The following NTNG1 variants were observed in gnomAD, a reference collection of about 807,000 sequenced individuals.
The protein encoded by NTNG1 is netrin-G1.
Under a neutral mutation model 54.0 loss-of-function variants are expected in NTNG1, and 16 were observed. The observed-to-expected ratio is 0.30, with a 90% CI of 0.20 to 0.45. The LOEUF (loss-of-function observed/expected upper bound fraction) is 0.45. Among genes scored for constraint, NTNG1 ranks in the 20% least tolerant of loss-of-function variants. The pLI, the probability that NTNG1 is intolerant of heterozygous loss-of-function variation, is 1.00. For missense variants in NTNG1, 530 were observed against 678.7 expected, an observed-to-expected ratio of 0.78 and a Z score of 2.43; for synonymous variants, 255 against 263.1, an observed-to-expected ratio of 0.97 and a Z score of 0.30.
chr1:107,245,633 A>C (rs1192024129), intron 2 of NTNG1, among the ~76,000 whole-genome samples: 1 of 152,190 alleles, frequency 6.6e-6, no homozygotes, highest in Non-Finnish European at 1.5e-5. Flanking sequence ...ACTTATTTGA[A>C]TGATTTACAG....
upstream of NTNG1, chr1:107,140,945 T>G (rs1300363418): frequency 6.6e-6 from 1 of 152,442 alleles, no homozygotes. Flanking sequence ...ATCACTATAT[T>G]TTTGGAGGGA....
chr1:107,372,698 G>A (rs902110333), intron 3 of NTNG1, among the ~76,000 whole-genome samples: 2 of 152,018 alleles, frequency 1.3e-5, no homozygotes, highest in African/African-American at 2.4e-5. Context: ...CTATAAACTT[G>A]CAAATTTTCT....
intron 2 of NTNG1, among the ~76,000 whole-genome samples, chr1:107,287,112 T>C (rs1028125901): frequency 6.6e-6 from 1 of 152,140 alleles, no homozygotes; most frequent in Non-Finnish European, 1.5e-5. Flanking sequence ...AAAGGAATAA[T>C]AGATGTATTT....
intron 4 of NTNG1, among the ~76,000 whole-genome samples, chr1:107,402,312 G>A (rs1243863466): frequency 6.6e-6 from 1 of 152,144 alleles, no homozygotes; most frequent in Non-Finnish European, 1.5e-5. Context: ...CTCAGGGTCA[G>A]CCTTCTTCAT....
chr1:107,339,181 C>T (rs1042213828), intron 3 of NTNG1, among the ~76,000 whole-genome samples: 1 of 152,026 alleles, frequency 6.6e-6, no homozygotes, highest in Non-Finnish European at 1.5e-5. Flanking sequence ...CCTCCAGCTC[C>T]ACTAGGGGCT....
Position 107,148,527 on chromosome 1 carries a change from G to A in NTNG1, c.-67G>A. The A allele has an allele frequency of 6.7e-7, 1 of 1,498,206 alleles. No individual in the cohort carries two copies. Among genetic ancestry groups the A allele is most frequent in the East Asian group, 2.3e-5 (1 of 44,246 alleles). The allele number at this position is 1,498,206 out of a possible 1,614,324, so 92.8% of individuals were successfully genotyped here. A position where few individuals can be genotyped will look rare whatever the true frequency, so the allele number is the denominator to read the frequency against. On this transcript the variant is annotated 5_prime_UTR_variant, in exon 2 of 8. Transcript: ENST00000370068. Reference sequence around the variant, plus strand: ...CATATGTGTATATATATGTAAACTAGACAAAGATCGCAGATCATAAAGCAA... The same window carrying A: ...CATATGTGTATATATATGTAAACTAAACAAAGATCGCAGATCATAAAGCAA...
intron 7 of NTNG1, among the ~76,000 whole-genome samples, chr1:107,466,130 C>G (rs1677594064): frequency 6.6e-6 from 1 of 151,978 alleles, no homozygotes; most frequent in Non-Finnish European, 1.5e-5. Context: ...TTGGGAGGTC[C>G]TGACTACAGT....
At chr1:107,268,952 ACTGACGTAATCTATCT>A (rs1484839853) in intron 2 of NTNG1, among the ~76,000 whole-genome samples, 4 of 152,186 alleles carry the variant, frequency 2.6e-5, no homozygotes, top group Non-Finnish European at 2.9e-5. Flanking sequence ...CATGTGGATA[ACTGACGTAATCTATCT>A]GGTCTGTTTC....
chr1:107,444,153 G>T (rs563541552), intron 7 of NTNG1, among the ~76,000 whole-genome samples: 58 of 152,182 alleles, frequency 3.8e-4, no homozygotes, highest in Non-Finnish European at 1.8e-4. Context: ...GATTCAGCAG[G>T]AAGATGCCAC....
At chr1:107,385,375 C>A (rs973255012) in intron 3 of NTNG1, among the ~76,000 whole-genome samples, 26 of 151,910 alleles carry the variant, frequency 1.7e-4, no homozygotes, top group African/African-American at 6.3e-4. Context: ...TGGTCCTGGT[C>A]TCTGCCATAG....
intron 1 of NTNG1, among the ~76,000 whole-genome samples, chr1:107,146,794 A>G (rs528755173): frequency 1.3e-5 from 2 of 152,154 alleles, no homozygotes; most frequent in South Asian, 2.1e-4. Flanking sequence ...ACACAATTCA[A>G]CCATCTGTTG....
At chr1:107,382,343 G>T (rs1671702309) in intron 3 of NTNG1, among the ~76,000 whole-genome samples, 1 of 152,168 alleles carries the variant, frequency 6.6e-6, no homozygotes, top group Admixed American at 6.5e-5. Context: ...AGCCCAACTA[G>T]TGAATCAGCT....
intron 3 of NTNG1, among the ~76,000 whole-genome samples, chr1:107,386,139 A>ATATACACATATATATATACT (rs1360069812): frequency 9.8e-6 from 1 of 101,948 alleles, no homozygotes; most frequent in African/African-American, 3.0e-5. Context: ...ATGTATATAT[A>ATATACACATATATATATACT]TATATGTGTG....
At chr1:107,345,208 C>T (rs1027936146) in intron 3 of NTNG1, among the ~76,000 whole-genome samples, 1 of 152,124 alleles carries the variant, frequency 6.6e-6, no homozygotes, top group Non-Finnish European at 1.5e-5. Flanking sequence ...CAGAGCTATA[C>T]GGAAAATCTG....
intron 6 of NTNG1, among the ~76,000 whole-genome samples, chr1:107,433,403 G>A (rs1164459218): frequency 6.6e-6 from 1 of 152,112 alleles, no homozygotes; most frequent in Non-Finnish European, 1.5e-5. Context: ...AAAATTAGCT[G>A]AGCGTGGTGG....
At chr1:107,185,698 C>T (rs1212236358) in intron 2 of NTNG1, among the ~76,000 whole-genome samples, 1 of 152,014 alleles carries the variant, frequency 6.6e-6, no homozygotes, top group African/African-American at 2.4e-5. Flanking sequence ...TGCTGTGCTT[C>T]AATTGGTTAA....
chr1:107,291,673 C>T (rs1204800356), intron 2 of NTNG1, among the ~76,000 whole-genome samples: 1 of 151,836 alleles, frequency 6.6e-6, no homozygotes, highest in African/African-American at 2.4e-5. Flanking sequence ...AAATATGTTT[C>T]AAATGAATAA....
At position 107,418,635 on chromosome 1, in the gene NTNG1, C is replaced by T. The variant is rs778022936; in HGVS notation, c.1087+10927C>T. 6 of 1,597,764 alleles carry T rather than the reference C, an allele frequency of 3.8e-6. No individual in the cohort carries two copies. The African/African-American group carries it at 4.0e-5, about 11-fold the overall frequency. ...ATATTTCTTCCCTTGAGGTTTCTAA[C>T]CCAAAACAAGGTAGGAGCATGTAAA... On this transcript the variant is annotated intron_variant, in intron 5 of 7. Coordinates refer to ENST00000370068, the MANE Select transcript of NTNG1 (RefSeq NM_001113226.3).
chr1:107,472,708 C>G (rs1033052136), intron 7 of NTNG1, among the ~76,000 whole-genome samples: 2 of 132,312 alleles, frequency 1.5e-5, no homozygotes, highest in Non-Finnish European at 3.5e-5. Context: ...ACCATAAGGT[C>G]GGGGAAGAAA....
Sources: gnomAD v4.1 joint callset for allele counts (sites outside exome capture counted in the v4.1 genomes callset) on GRCh38, gnomAD v4.1.1 for gene constraint, MANE v1.5 for transcripts, NCBI Gene and HGNC (gene_info 2026-07-23, HGNC 2026-07-21) for gene names.